The following C2orf15 variants were observed in gnomAD, a reference collection of about 807,000 sequenced individuals.
C2orf15 encodes the protein uncharacterized protein C2orf15.
A neutral mutation model predicts 4.4 loss-of-function variants in C2orf15; 3 were observed. The observed-to-expected ratio is 0.67, with a 90% CI of 0.31 to 1.74. C2orf15 has a LOEUF of 1.74. Among genes scored for constraint, C2orf15 ranks in the 40% most tolerant of loss-of-function variants. The pLI is 0.09. For synonymous variants in C2orf15, 37 were observed against 36.8 expected (o/e 1.00, Z -0.02); for missense variants, 90 against 103.3 (o/e 0.87, Z 0.56).
intron 3 of C2orf15, among the ~76,000 whole-genome samples, chr2:99,148,049 T>C (rs1275232306): frequency 6.6e-6 from 1 of 152,206 alleles, no homozygotes; most frequent in Non-Finnish European, 1.5e-5. Context: ...TCAAGAGCAT[T>C]GGTTGCATCT....
chr2:99,142,195 C>A (rs1287704108), intron 1 of C2orf15, 90 bp from the exon 2 acceptor site: 1 of 152,226 alleles, frequency 6.6e-6, no homozygotes, highest in Non-Finnish European at 1.5e-5. Context: ...AAAAAGTCTT[C>A]TTAATTTTTC....
At chr2:99,147,353 AGATT>A in intron 2 of C2orf15, 45 bp from the exon 3 acceptor site, 1 of 1,021,906 alleles carries the variant, frequency 9.8e-7, no homozygotes, top group Non-Finnish European at 1.5e-6. Flanking sequence ...CTTTTTCTCC[AGATT>A]GATTTATCTC....
intron 3 of C2orf15, among the ~76,000 whole-genome samples, chr2:99,149,293 A>G (rs868496446): frequency 1.3e-5 from 2 of 151,958 alleles, no homozygotes; most frequent in African/African-American, 4.8e-5. Context: ...GGCTTTCTCA[A>G]ACCTTTTCTG....
chr2:99,149,220 G>C (rs2093663625), intron 3 of C2orf15, among the ~76,000 whole-genome samples: 1 of 150,724 alleles, frequency 6.6e-6, no homozygotes, highest in Admixed American at 6.6e-5. Context: ...TGTGGAATCT[G>C]CTCCAGATCT....
intron 2 of C2orf15, among the ~76,000 whole-genome samples, chr2:99,143,345 G>A (rs577612549): frequency 5.3e-5 from 8 of 151,548 alleles, no homozygotes; most frequent in African/African-American, 1.7e-4. Context: ...ATTTTTAGTA[G>A]AGACAGGGTT....
Position 99,150,660 on chromosome 2 carries a change from G to T in C2orf15, c.102G>T (p.Leu34Phe). Residue 34 changes from leucine (L) to phenylalanine (F), a missense_variant, in exon 4 of 4, where the codon TTG becomes TTT. Leu to Phe is a conservative substitution (Grantham distance 22). Transcript: ENST00000650052. Reference sequence around the variant, plus strand: ...TACGAGGGACTGAAAAAAGCAGGTTGGAACCAGCGACTCAGTTATTTCAAA... The same window carrying T: ...TACGAGGGACTGAAAAAAGCAGGTTTGAACCAGCGACTCAGTTATTTCAAA... ...HLIRGTEKSR[L>F]EPATQLFQNT... 6.2e-7 allele frequency: 1 copy of T among 1,613,976 alleles called. No individual in the cohort carries two copies. Among genetic ancestry groups the T allele is most frequent in the Admixed American group, 1.7e-5 (1 of 60,008 alleles).
At chr2:99,149,055 C>T (rs1454668260) in intron 3 of C2orf15, among the ~76,000 whole-genome samples, 2 of 151,810 alleles carry the variant, frequency 1.3e-5, no homozygotes, top group Non-Finnish European at 2.9e-5. Context: ...CCTGTAATCC[C>T]AGCTACTCAG....
intron 2 of C2orf15, among the ~76,000 whole-genome samples, chr2:99,142,650 C>G (rs985984899): frequency 6.6e-6 from 1 of 152,026 alleles, no homozygotes. Context: ...TTAGAGGACA[C>G]AAGGAGCACA....
intron 3 of C2orf15, among the ~76,000 whole-genome samples, chr2:99,149,752 T>TC (rs1559157540): frequency 2.7e-5 from 4 of 146,040 alleles, no homozygotes; most frequent in Non-Finnish European, 4.5e-5. Context: ...GATCATCTCT[T>TC]TTTACAGACT....
chr2:99,147,893 C>G (rs1484958660), intron 3 of C2orf15, among the ~76,000 whole-genome samples: 1 of 152,154 alleles, frequency 6.6e-6, no homozygotes, highest in Non-Finnish European at 1.5e-5. Flanking sequence ...AGAACAAGGA[C>G]ATTGACTTAT....
rs1391302908 is a variant in C2orf15 at position 99,150,858 on chromosome 2, G to A, written c.*24G>A. ...GAAGCAATTTGTACGTATTACCAAA[G>A]AAACCAAAAACTGCCTTTGACTAAG... On this transcript the variant is annotated 3_prime_UTR_variant, in exon 4 of 4. Transcript: ENST00000650052. 1.3e-6 allele frequency: 2 copies of A among 1,514,990 alleles called. No individual in the cohort carries two copies. Among genetic ancestry groups the A allele is most frequent in the Non-Finnish European group, 1.8e-6 (2 of 1,122,754 alleles). 93.8% of individuals were successfully genotyped at this position (1,514,990 alleles called of 1,614,324 possible). A position where few individuals can be genotyped will look rare whatever the true frequency, so the allele number is the denominator to read the frequency against.
At chr2:99,149,169 CAAAA>C (rs35343264) in intron 3 of C2orf15, among the ~76,000 whole-genome samples, 1 of 123,250 alleles carries the variant, frequency 8.1e-6, no homozygotes, top group African/African-American at 3.3e-5. Context: ...AACTCCATCT[CAAAA>C]AAAAAAAAAA....
intron 2 of C2orf15, 31 bp downstream of exon 2, chr2:99,142,432 T>C (rs2093577608): frequency 6.6e-6 from 1 of 152,216 alleles, no homozygotes; most frequent in Non-Finnish European, 1.5e-5. Flanking sequence ...CCACAAGATA[T>C]CATTGGCAGG....
In C2orf15 at chr2:99,151,187, C is replaced by T. The variant is rs148829737; in HGVS notation, c.*353C>T. 4.8e-5 allele frequency: 8 copies of T among 166,858 alleles called. No individual in the cohort carries two copies. The East Asian group carries it at 1.0e-3, about 21-fold the overall frequency. The allele number at this position is 166,858 out of a possible 1,614,324, so 10.3% of individuals were successfully genotyped here. A position where few individuals can be genotyped will look rare whatever the true frequency, so the allele number is the denominator to read the frequency against. On this transcript the variant is annotated 3_prime_UTR_variant, in exon 4 of 4. Coordinates refer to ENST00000650052, the MANE Select transcript of C2orf15 (RefSeq NM_144706.4). ...TAAAAAAAGTGTCCAAGCAGCCGGGCGCAGTGGCTCACACCTGTAATCCCA... is the reference window on the plus strand; with the variant it reads ...TAAAAAAAGTGTCCAAGCAGCCGGGTGCAGTGGCTCACACCTGTAATCCCA...
In C2orf15 at chr2:99,147,852, C is replaced by G. The variant is rs1375272413; in HGVS notation, c.-77+359C>G. 2.6e-5 allele frequency among the ~76,000 whole-genome samples: 4 copies of G among 152,180 alleles called. No individual in the cohort carries two copies. In the East Asian group the frequency reaches 5.8e-4, roughly 22 times the overall value. ...AGGGCAAGTTGCAGATACAATTCTTCACCCCTAACTATTTCAGTATGTATT... is the reference window on the plus strand; with the variant it reads ...AGGGCAAGTTGCAGATACAATTCTTGACCCCTAACTATTTCAGTATGTATT... On this transcript the variant is annotated intron_variant, in intron 3 of 3. Coordinates refer to ENST00000650052, the MANE Select transcript of C2orf15 (RefSeq NM_144706.4).
At chr2:99,150,110 A>G (rs1358878614) in intron 3 of C2orf15, among the ~76,000 whole-genome samples, 2 of 152,228 alleles carry the variant, frequency 1.3e-5, no homozygotes, top group Admixed American at 1.3e-4. Flanking sequence ...GTATCTTTAT[A>G]GGACATCTTT....
rs970752490 is a variant in C2orf15, at chr2:99,151,050, C to A, written c.*216C>A. ...TGAAAAAGCCTTCCAAGATTCAAAG[C>A]AGATTTCTCTGGTATTATATTATAT... On this transcript the variant is annotated 3_prime_UTR_variant, in exon 4 of 4. Coordinates refer to ENST00000650052, the MANE Select transcript of C2orf15 (RefSeq NM_144706.4). 4 of 416,248 alleles carry A rather than the reference C, an allele frequency of 9.6e-6. No homozygotes were observed. In the East Asian group the frequency reaches 1.5e-4, roughly 16 times the overall value. 25.8% of individuals were successfully genotyped at this position (416,248 alleles called of 1,614,324 possible).
chr2:99,150,207 C>T (rs1279326040), intron 3 of C2orf15, among the ~76,000 whole-genome samples: 2 of 152,114 alleles, frequency 1.3e-5, no homozygotes, highest in African/African-American at 4.8e-5. Context: ...AAAGAGGTTT[C>T]GCTAGCAAGA....
At chr2:99,146,853 TC>T (rs1299977442) in intron 2 of C2orf15, among the ~76,000 whole-genome samples, 1 of 152,210 alleles carries the variant, frequency 6.6e-6, no homozygotes, top group Non-Finnish European at 1.5e-5. Flanking sequence ...GGTCTCGAAC[TC>T]CTGACCTCGT....
Sources: allele counts gnomAD v4.1 joint callset (sites outside exome capture counted in the v4.1 genomes callset), GRCh38; gene constraint gnomAD v4.1.1; transcripts MANE v1.5; gene names NCBI Gene and HGNC (gene_info 2026-07-23, HGNC 2026-07-21).